KCP: variants seen among roughly 807,000 people sequenced by gnomAD.
KCP encodes kielin/chordin-like protein.
Under a neutral mutation model 212.7 loss-of-function variants are expected in KCP, and 194 were observed. The observed-to-expected ratio is 0.91, with a 90% CI of 0.81 to 1.03. The LOEUF is 1.03. KCP is among the 50% of genes least tolerant of loss of function. KCP has a pLI of 0.00. For missense variants in KCP, 2,080 were observed against 2,162.5 expected (o/e 0.96, Z 0.76); for synonymous variants, 833 against 865.3 (o/e 0.96, Z 0.65).
At chr7:128,904,406 C>A in intron 5 of KCP, 1 of 1,492,778 alleles carries the variant, frequency 6.7e-7, no homozygotes, top group South Asian at 1.2e-5. Context: ...TGAGCCAGCC[C>A]TCCCTTCCCC....
intron 11 of KCP, 88 bp from the exon 12 acceptor site, chr7:128,893,564 G>T: frequency 9.0e-7 from 1 of 1,109,544 alleles, no homozygotes; most frequent in Non-Finnish European, 1.3e-6. Context: ...CCCCCACCCT[G>T]ACAAAGAAGA....
chr7:128,879,772 C>T lies in KCP; in HGVS notation c.3990G>A (p.Val1330=), dbSNP rs781029711. Residue 1330 remains valine (V), a synonymous_variant, in exon 36 of 40, where the codon GTG becomes GTA. Transcript: ENST00000610776. Reference sequence around the variant, plus strand: ...CGGCCATGTCTCCCAGCAGCACCGCCACCTCCTGGGTCCAGGCCACACCGC... The same window carrying T: ...CGGCCATGTCTCCCAGCAGCACCGCTACCTCCTGGGTCCAGGCCACACCGC... ...GRSGVAWTQE[V]AVLLGDMAVR... is the part of the protein sequence containing the mutation. The T allele has an allele frequency of 1.3e-6, 2 of 1,550,668 alleles. No homozygotes were observed. The highest frequency in any genetic ancestry group is 3.9e-5 in the Admixed American group (2 of 50,992).
chr7:128,882,878 C>G (rs979671474), intron 29 of KCP, among the ~76,000 whole-genome samples: 1 of 152,128 alleles, frequency 6.6e-6, no homozygotes, highest in African/African-American at 2.4e-5. Context: ...TCGAGACCAG[C>G]CTGGCCAACA....
chr7:128,890,312 C>A (rs1585218027), intron 21 of KCP, 31 bp downstream of exon 21: 1 of 1,551,540 alleles, frequency 6.4e-7, no homozygotes. Flanking sequence ...CCGCATCCCA[C>A]CCCGGCAGCT....
At chr7:128,906,233 AGAG>A in intron 5 of KCP, 43 bp downstream of exon 5, 1 of 1,465,322 alleles carries the variant, frequency 6.8e-7, no homozygotes, top group Non-Finnish European at 9.4e-7. Context: ...TCTGTGGGCC[AGAG>A]AAGGCAAGCA....
rs1398179190 is a variant in KCP at position 128,904,162 on chromosome 7, A to G, written c.572-24T>C. 10 of 1,548,212 alleles carry G rather than the reference A, an allele frequency of 6.5e-6. No individual in the cohort carries two copies. The East Asian group carries it at 1.5e-4, about 23-fold the overall frequency. Reference sequence around the variant, plus strand: ...GCCTGGGAAGGTTGGCAGGATGACAAGTGGGTCACCAGGCAGCAGGGTGGG... The same window carrying G: ...GCCTGGGAAGGTTGGCAGGATGACAGGTGGGTCACCAGGCAGCAGGGTGGG... On this transcript the variant is annotated intron_variant, in intron 5 of 39. Transcript: ENST00000610776.
At position 128,903,771 on chromosome 7, in the gene KCP, G is replaced by A. The variant is rs1389567421; in HGVS notation, c.704C>T (p.Pro235Leu). The change falls in exon 7 of 40, where the codon CCA (proline) becomes CTA (leucine). Residue 235 changes from proline (P) to leucine (L), a missense_variant. Physicochemically the swap from Pro to Leu is moderately conservative, Grantham distance 98. Coordinates refer to ENST00000610776, the MANE Select transcript of KCP (RefSeq NM_001366122.1). ...MALKCPPSPC[P>L]EPVLRPGHCC... The stretch of plus-strand genomic sequence containing the variant: ...GTGCCCAGGCCTCAGCACTGGCTCT[G>A]GGCAGGGGCTAGGCGGGCACTTCAG... 6.4e-7 allele frequency: 1 copy of A among 1,551,438 alleles called. No homozygotes were observed. Among genetic ancestry groups the A allele is most frequent in the Non-Finnish European group, 8.7e-7 (1 of 1,146,906 alleles).
intron 15 of KCP, 24 bp downstream of exon 15, chr7:128,892,664 G>A: frequency 6.4e-7 from 1 of 1,551,234 alleles, no homozygotes; most frequent in Non-Finnish European, 8.7e-7. Context: ...GCTCAGCAGG[G>A]CAGCAGCAAG....
chr7:128,900,483 A>C (rs1794784523), intron 8 of KCP, among the ~76,000 whole-genome samples: 1 of 152,218 alleles, frequency 6.6e-6, no homozygotes, highest in Non-Finnish European at 1.5e-5. Flanking sequence ...TAGCAACCCC[A>C]TATCAGCTTG....
intron 1 of KCP, among the ~76,000 whole-genome samples, chr7:128,909,877 C>T (rs190815887): frequency 6.6e-6 from 1 of 152,312 alleles, no homozygotes; most frequent in East Asian, 1.9e-4. Context: ...GATCCTGTCA[C>T]CCGGAATGGC....
chr7:128,888,613 G>GAC lies in KCP; in HGVS notation c.2512+248_2512+249dup, dbSNP rs753376588. On this transcript the variant is annotated intron_variant, in intron 22 of 39. Transcript: ENST00000610776. ...ACACAGAGCCACACACACACAGCCA[G>GAC]ACACACACACACACATACAGACACA... Among the ~76,000 whole-genome samples, 606 of 105,152 alleles carry GAC rather than the reference G, an allele frequency of 5.8e-3. 2 individuals carry two copies. Among genetic ancestry groups the GAC allele is most frequent in the African/African-American group, 0.015 (410 of 27,780 alleles). 69.0% of individuals were successfully genotyped at this position (105,152 alleles called of 152,430 possible).
chr7:128,904,203 G>A lies in KCP; in HGVS notation c.572-65C>T, dbSNP rs544645962. The stretch of plus-strand genomic sequence containing the variant: ...GCAGGGTGGGTGGACATCACTTGAG[G>A]TAAGGCATGACCCCAAGTAGGTACT... On this transcript the variant is annotated intron_variant, in intron 5 of 39. Transcript: ENST00000610776. The A allele has an allele frequency of 1.2e-3, 1,890 of 1,525,114 alleles. 10 individuals carry two copies. Among genetic ancestry groups the A allele is most frequent in the Middle Eastern group, 5.5e-3 (33 of 5,956 alleles). The allele number at this position is 1,525,114 out of a possible 1,614,324, so 94.5% of individuals were successfully genotyped here.
chr7:128,883,130 G>T (rs140136852), intron 29 of KCP, among the ~76,000 whole-genome samples: 2,298 of 150,872 alleles, frequency 0.015, 71 homozygotes, highest in African/African-American at 0.053. Context: ...AAAAAAAAAA[G>T]TATGTTTTTT....
At position 128,892,789 on chromosome 7, in the gene KCP, AGGCACCTG is replaced by A; in HGVS notation, c.1421-3_1425del. The A allele has an allele frequency of 6.4e-7, 1 of 1,551,562 alleles. No individual in the cohort carries two copies. The highest frequency in any genetic ancestry group is 8.7e-7 in the Non-Finnish European group (1 of 1,146,874). On this transcript the variant is annotated splice_acceptor_variant and splice_polypyrimidine_tract_variant and coding_sequence_variant and intron_variant, in exon 15 of 40. Coordinates refer to ENST00000610776, the MANE Select transcript of KCP (RefSeq NM_001366122.1). LOFTEE classifies it high-confidence loss of function. Reference sequence around the variant, plus strand: ...GTGCAGCTGTCACAGCTGGGGCAGCAGGCACCTGGGTGGGGCAGGCTGGTCAGGGTGAG... The same window carrying A: ...GTGCAGCTGTCACAGCTGGGGCAGCAGGTGGGGCAGGCTGGTCAGGGTGAG...
intron 5 of KCP, chr7:128,904,458 G>A (rs966927483): frequency 1.7e-4 from 188 of 1,090,458 alleles, no homozygotes; most frequent in Non-Finnish European, 2.2e-4. Flanking sequence ...CTCCCTCCTC[G>A]TCCCTTCCTG....
chr7:128,887,937 AC>A (rs1793786089), intron 22 of KCP, among the ~76,000 whole-genome samples: 1 of 149,906 alleles, frequency 6.7e-6, no homozygotes, highest in Admixed American at 6.7e-5. Flanking sequence ...CCATACAAAC[AC>A]ATAGCCACAC....
At position 128,879,744 on chromosome 7, in the gene KCP, G is replaced by A. The variant is rs758056965; in HGVS notation, c.4018C>T (p.Arg1340Trp). The A allele has an allele frequency of 2.3e-5, 35 of 1,550,026 alleles. No individual in the cohort carries two copies. Among genetic ancestry groups the A allele is most frequent in the African/African-American group, 2.7e-5 (2 of 73,010 alleles). Residue 1340 changes from arginine to tryptophan, a missense_variant, in exon 36 of 40, where the codon CGG (arginine) becomes TGG (tryptophan). Transcript: ENST00000610776. ...VAVLLGDMAV[R>W]LLQDGAVTVD... is the part of the protein sequence containing the mutation. Reference sequence around the variant, plus strand: ...GTGACTGCCCCGTCCTGCAGCAGCCGCACGGCCATGTCTCCCAGCAGCACC... The same window carrying A: ...GTGACTGCCCCGTCCTGCAGCAGCCACACGGCCATGTCTCCCAGCAGCACC...
chr7:128,887,746 T>TAC (rs200124412), intron 22 of KCP, among the ~76,000 whole-genome samples: 2 of 114,544 alleles, frequency 1.7e-5, no homozygotes, highest in African/African-American at 6.8e-5. Flanking sequence ...CACACTCTCA[T>TAC]ACACACACAC....
Position 128,877,509 on chromosome 7 carries a change from A to G in KCP, c.4593T>C (p.Pro1531=), listed in dbSNP as rs774465179. Residue 1531 remains proline (P), a synonymous_variant, in exon 39 of 40, where the codon CCT becomes CCC. Transcript: ENST00000610776. ...CACACAGCGTGGGGCCTCGCCAGGT[A>G]GGTGTCACTCCTGCCTGGCGACAGT... The part of the protein sequence containing the change: ...ASHCRQAGVT[P]TWRGPTLCVV... 1 of 1,551,282 alleles carries G rather than the reference A, an allele frequency of 6.4e-7. No individual in the cohort carries two copies. Among genetic ancestry groups the G allele is most frequent in the South Asian group, 1.2e-5 (1 of 84,060 alleles).
Sources: allele counts gnomAD v4.1 joint callset (sites outside exome capture counted in the v4.1 genomes callset), GRCh38; gene constraint gnomAD v4.1.1; transcripts MANE v1.5; gene names NCBI Gene and HGNC (gene_info 2026-07-23, HGNC 2026-07-21).